CRPPA: variants seen among roughly 807,000 people sequenced by gnomAD.
CRPPA encodes the protein D-ribitol-5-phosphate cytidylyltransferase.
CRPPA carries 43 observed loss-of-function variants against 52.0 expected under a neutral mutation model. The ratio of observed to expected loss-of-function variants is 0.83; its 90% CI spans 0.65 to 1.07. CRPPA has a LOEUF of 1.07. CRPPA is among the 50% of genes least tolerant of loss of function. CRPPA has a pLI of 0.00. For synonymous variants in CRPPA, 250 were observed against 203.5 expected, an observed-to-expected ratio of 1.23 and a Z score of -1.94; for missense variants, 629 against 551.7, an observed-to-expected ratio of 1.14 and a Z score of -1.40.
chr7:16,277,381 A>T (rs1443958525), intron 6 of CRPPA: 2 of 152,180 alleles, frequency 1.3e-5, no homozygotes, highest in Non-Finnish European at 2.9e-5. Context: ...AAAAAAAAAA[A>T]AAAAAAATTA....
intron 1 of CRPPA, among the ~76,000 whole-genome samples, chr7:16,414,389 ACACACACACACACC>A (rs1436248628): frequency 9.6e-6 from 1 of 104,108 alleles, no homozygotes; most frequent in African/African-American, 4.1e-5. Flanking sequence ...ACACACACAC[ACACACACACACACC>A]CCATGACACT....
chr7:16,111,747 C>A (rs1782268874), intron 9 of CRPPA, among the ~76,000 whole-genome samples: 1 of 152,012 alleles, frequency 6.6e-6, no homozygotes, highest in Non-Finnish European at 1.5e-5. Context: ...ATTGTGGTTC[C>A]AAAAGATGGG....
intron 9 of CRPPA, among the ~76,000 whole-genome samples, chr7:16,092,784 T>C (rs1781861925): frequency 6.6e-6 from 1 of 152,204 alleles, no homozygotes; most frequent in Non-Finnish European, 1.5e-5. Flanking sequence ...TCTGATCCCA[T>C]TACCTGGTAA....
chr7:16,246,009 C>A (rs775384237), intron 8 of CRPPA, among the ~76,000 whole-genome samples: 31 of 151,930 alleles, frequency 2.0e-4, no homozygotes, highest in Non-Finnish European at 3.4e-4. Context: ...AATAAGACAA[C>A]AACATAGTTC....
At chr7:16,144,591 C>G (rs1228006248) in intron 9 of CRPPA, among the ~76,000 whole-genome samples, 1 of 152,216 alleles carries the variant, frequency 6.6e-6, no homozygotes, top group Non-Finnish European at 1.5e-5. Flanking sequence ...ATCTAAATAG[C>G]TTGTTTACTC....
At chr7:16,091,972 C>CA (rs1781847277) in intron 9 of CRPPA, among the ~76,000 whole-genome samples, 173 bp from the exon 10 acceptor site, 1 of 152,214 alleles carries the variant, frequency 6.6e-6, no homozygotes, top group Non-Finnish European at 1.5e-5. Context: ...AATACTTTCA[C>CA]AAACACTTTT....
intron 3 of CRPPA, among the ~76,000 whole-genome samples, chr7:16,331,281 G>A (rs952623420): frequency 1.3e-5 from 2 of 152,196 alleles, no homozygotes; most frequent in African/African-American, 4.8e-5. Context: ...TTACAGGCGT[G>A]AGCCACTGCA....
intron 2 of CRPPA, among the ~76,000 whole-genome samples, chr7:16,398,118 T>A (rs1393219070): frequency 3.3e-5 from 5 of 151,690 alleles, no homozygotes; most frequent in Non-Finnish European, 7.4e-5. Flanking sequence ...GACAGGTGAT[T>A]GACATTATTC....
chr7:16,406,618 T>C (rs377264918), intron 1 of CRPPA, among the ~76,000 whole-genome samples: 21 of 152,198 alleles, frequency 1.4e-4, no homozygotes, highest in African/African-American at 5.1e-4. Context: ...CAGATGTCAT[T>C]TTTTACTTAA....
chr7:16,345,533 T>C (rs1785991469), intron 3 of CRPPA, among the ~76,000 whole-genome samples: 1 of 152,106 alleles, frequency 6.6e-6, no homozygotes, highest in African/African-American at 2.4e-5. Flanking sequence ...ATAATATAAA[T>C]ATTAAAAGGT....
chr7:16,302,678 A>C (rs1044597284), intron 4 of CRPPA, among the ~76,000 whole-genome samples: 3 of 152,144 alleles, frequency 2.0e-5, no homozygotes, highest in African/African-American at 7.2e-5. Flanking sequence ...AAGAGAGAAA[A>C]AATGAGCTGA....
intron 3 of CRPPA, among the ~76,000 whole-genome samples, chr7:16,365,499 G>A (rs1333380119): frequency 6.6e-6 from 1 of 152,140 alleles, no homozygotes; most frequent in Non-Finnish European, 1.5e-5. Flanking sequence ...CAATGTGGTA[G>A]TATCACAGGA....
chr7:16,406,248 C>A lies in CRPPA; in HGVS notation c.347G>T (p.Arg116Leu). The A allele has an allele frequency of 1.2e-6, 2 of 1,613,884 alleles. No homozygotes were observed. Among genetic ancestry groups the A allele is most frequent in the Non-Finnish European group, 1.7e-6 (2 of 1,179,850 alleles). The change falls in exon 2 of 10, where the codon CGC becomes CTC. Residue 116 changes from arginine (R) to leucine (L), a missense_variant. Coordinates refer to ENST00000407010, the MANE Select transcript of CRPPA (RefSeq NM_001101426.4). ...CACTCCAGCTTCGACCAGTGAGATGCGTTTATGCTGATACTTCTGAATAAT... is the reference window on the plus strand; with the variant it reads ...CACTCCAGCTTCGACCAGTGAGATGAGTTTATGCTGATACTTCTGAATAAT... Reference protein sequence around the residue: ...KSIIQKYQHKRISLVEAGVTR... With the variant: ...KSIIQKYQHKLISLVEAGVTR...
chr7:16,359,080 G>T (rs1479187259), intron 3 of CRPPA, among the ~76,000 whole-genome samples: 1 of 152,168 alleles, frequency 6.6e-6, no homozygotes, highest in African/African-American at 2.4e-5. Context: ...TAATGAAAAT[G>T]CTTGCTTTAA....
Position 16,106,891 on chromosome 7 carries a change from T to C in CRPPA, c.1252-15092A>G, listed in dbSNP as rs529814358. 3.3e-5 allele frequency among the ~76,000 whole-genome samples: 5 copies of C among 152,090 alleles called. No homozygotes were observed. In the South Asian group the frequency reaches 1.0e-3, roughly 32 times the overall value. On this transcript the variant is annotated intron_variant, in intron 9 of 9. Coordinates refer to ENST00000407010, the MANE Select transcript of CRPPA (RefSeq NM_001101426.4). ...AAGAATATACAGATAGGAAATTTCATGGAATTTGGAAAACAAAGACTTGAC... is the reference window on the plus strand; with the variant it reads ...AAGAATATACAGATAGGAAATTTCACGGAATTTGGAAAACAAAGACTTGAC...
At chr7:16,303,836 C>G (rs185763633) in intron 4 of CRPPA, among the ~76,000 whole-genome samples, 1 of 152,038 alleles carries the variant, frequency 6.6e-6, no homozygotes, top group Non-Finnish European at 1.5e-5. Flanking sequence ...ATACTTGGAC[C>G]TTAAAAAAAT....
rs1781758670 is a variant in CRPPA at position 16,089,050 on chromosome 7, C to T, written c.*2645G>A. Reference sequence around the variant, plus strand: ...GCCCAAACTTTTGTTACTATTCAGTCACATGATTTTGGCAAGGTAACTAAG... The same window carrying T: ...GCCCAAACTTTTGTTACTATTCAGTTACATGATTTTGGCAAGGTAACTAAG... On this transcript the variant is annotated 3_prime_UTR_variant, in exon 10 of 10. Coordinates refer to ENST00000407010, the MANE Select transcript of CRPPA (RefSeq NM_001101426.4). 4.4e-6 allele frequency: 1 copy of T among 226,004 alleles called. No individual in the cohort carries two copies. The allele number at this position is 226,004 out of a possible 1,614,324, so 14.0% of individuals were successfully genotyped here.
chr7:16,369,338 A>G (rs1156617515), intron 3 of CRPPA, among the ~76,000 whole-genome samples: 1 of 152,218 alleles, frequency 6.6e-6, no homozygotes, highest in Non-Finnish European at 1.5e-5. Flanking sequence ...AGGGAGTTTC[A>G]CAATGTTCTT....
intron 9 of CRPPA, among the ~76,000 whole-genome samples, chr7:16,156,325 T>G (rs931685250): frequency 3.3e-5 from 5 of 152,180 alleles, no homozygotes; most frequent in African/African-American, 1.2e-4. Flanking sequence ...TTGCAGTCAA[T>G]TTTTGTGTCT....
Sources: allele counts gnomAD v4.1 joint callset (sites outside exome capture counted in the v4.1 genomes callset), GRCh38; gene constraint gnomAD v4.1.1; transcripts MANE v1.5; gene names NCBI Gene and HGNC (gene_info 2026-07-23, HGNC 2026-07-21).